The following MARCHF1 variants were observed in gnomAD, a reference collection of about 807,000 sequenced individuals.
MARCHF1 encodes E3 ubiquitin-protein ligase MARCHF1.
A neutral mutation model predicts 54.2 loss-of-function variants in MARCHF1; 40 were observed. The ratio of observed to expected loss-of-function variants is 0.74; its 90% CI spans 0.57 to 0.96. MARCHF1 has a LOEUF of 0.96. Among genes scored for constraint, MARCHF1 ranks in the 40% least tolerant of loss-of-function variants. The pLI, the probability that MARCHF1 is intolerant of heterozygous loss-of-function variation, is 0.00. For missense variants in MARCHF1, 586 were observed against 656.5 expected (o/e 0.89, Z 1.17); for synonymous variants, 236 against 236.3 (o/e 1.00, Z 0.01).
chr4:164,354,595 G>T (rs943476919), intron 1 of MARCHF1, among the ~76,000 whole-genome samples: 1 of 144,130 alleles, frequency 6.9e-6, no homozygotes, highest in South Asian at 2.2e-4. Flanking sequence ...AATAAATTAG[G>T]TATTGATGGG....
chr4:164,040,563 G>T (rs1014479198), intron 2 of MARCHF1, among the ~76,000 whole-genome samples: 1 of 150,976 alleles, frequency 6.6e-6, no homozygotes, highest in African/African-American at 2.4e-5. Flanking sequence ...TAAAAAATAG[G>T]CTTCAGAATG....
chr4:164,098,041 A>G (rs975497217), intron 2 of MARCHF1, among the ~76,000 whole-genome samples: 1 of 152,174 alleles, frequency 6.6e-6, no homozygotes, highest in African/African-American at 2.4e-5. Flanking sequence ...ACCATGGGAT[A>G]TCTTTATCAT....
At chr4:164,374,161 C>T (rs1731117294) in intron 1 of MARCHF1, among the ~76,000 whole-genome samples, 1 of 152,034 alleles carries the variant, frequency 6.6e-6, no homozygotes, top group African/African-American at 2.4e-5. Context: ...TCATTTTTTC[C>T]TCTACATATA....
At chr4:164,000,011 C>A (rs1235333532) in intron 2 of MARCHF1, among the ~76,000 whole-genome samples, 1 of 151,636 alleles carries the variant, frequency 6.6e-6, no homozygotes, top group Non-Finnish European at 1.5e-5. Flanking sequence ...AGGTGATAAT[C>A]AGATTGATCA....
At chr4:164,101,517 T>C (rs1463609308) in intron 2 of MARCHF1, among the ~76,000 whole-genome samples, 72 of 128,938 alleles carry the variant, frequency 5.6e-4, no homozygotes, top group African/African-American at 1.7e-3. Flanking sequence ...ACACCTAACA[T>C]GGCAGGGTAC....
chr4:164,368,035 A>C (rs979201021), intron 1 of MARCHF1, among the ~76,000 whole-genome samples: 3 of 111,040 alleles, frequency 2.7e-5, no homozygotes, highest in Non-Finnish European at 6.1e-5. Flanking sequence ...ATTCAACACA[A>C]AAAAAAGATT....
chr4:164,205,735 A>C (rs1183193273), intron 1 of MARCHF1, among the ~76,000 whole-genome samples: 1 of 152,162 alleles, frequency 6.6e-6, no homozygotes, highest in Non-Finnish European at 1.5e-5. Context: ...ATTTAAAAAA[A>C]AAAAATTTCT....
intron 2 of MARCHF1, among the ~76,000 whole-genome samples, chr4:164,022,182 C>G (rs1198346041): frequency 6.6e-6 from 1 of 152,152 alleles, no homozygotes; most frequent in African/African-American, 2.4e-5. Flanking sequence ...TACATTGTCC[C>G]AAGACCTCCT....
At chr4:164,021,595 A>C (rs1432638909) in intron 2 of MARCHF1, among the ~76,000 whole-genome samples, 1 of 5,732 alleles carries the variant, frequency 1.7e-4, no homozygotes, top group African/African-American at 1.9e-4. Flanking sequence ...TTTTCTCCTA[A>C]GTCCTTCTTA....
chr4:163,575,913 G>C (rs1740021185), intron 8 of MARCHF1, among the ~76,000 whole-genome samples: 1 of 151,904 alleles, frequency 6.6e-6, no homozygotes, highest in South Asian at 2.1e-4. Flanking sequence ...GTTTCTGATT[G>C]TGCTTATTTG....
At chr4:163,542,478 G>A (rs1179135386) in intron 9 of MARCHF1, among the ~76,000 whole-genome samples, 1 of 152,240 alleles carries the variant, frequency 6.6e-6, no homozygotes, top group Non-Finnish European at 1.5e-5. Context: ...TTCCCTAGCT[G>A]CATGATAGAA....
intron 1 of MARCHF1, among the ~76,000 whole-genome samples, chr4:164,134,440 T>C (rs1409495618): frequency 6.6e-6 from 1 of 152,222 alleles, no homozygotes. Context: ...TACATTACAT[T>C]TTCTCTGCTA....
chr4:163,823,982 T>C (rs1287339556), intron 4 of MARCHF1, among the ~76,000 whole-genome samples: 1 of 151,894 alleles, frequency 6.6e-6, no homozygotes, highest in Admixed American at 6.6e-5. Flanking sequence ...ATCCCCTATA[T>C]ATCATTCAAG....
At position 163,787,990 on chromosome 4, in the gene MARCHF1, T is replaced by C. The variant is rs1053193578; in HGVS notation, c.111+66031A>G. Among the ~76,000 whole-genome samples, 10 of 151,884 alleles carry C rather than the reference T, an allele frequency of 6.6e-5. No individual in the cohort carries two copies. In the East Asian group the frequency reaches 1.7e-3, roughly 26 times the overall value. The stretch of plus-strand genomic sequence containing the variant: ...TAAGCCAATCACAAAAGGACAAATA[T>C]TGTATACTTTGACGTATCTAAAGTA... On this transcript the variant is annotated intron_variant, in intron 4 of 9. Transcript: ENST00000514618.
Position 164,027,392 on chromosome 4 carries a change from A to AAAAAAAAAAAAAAAAAAAAAAAAAAAT in MARCHF1, c.-247-38684_-247-38683insATTTTTTTTTTTTTTTTTTTTTTTTTT, listed in dbSNP as rs1553971149. ...AAAAAAAAAAAAAAAAAAAAAAAAA[A>AAAAAAAAAAAAAAAAAAAAAAAAAAAT]AGATACATAGATAAATGGATCTATA... On this transcript the variant is annotated intron_variant, in intron 2 of 9. Transcript: ENST00000514618. Among the ~76,000 whole-genome samples the AAAAAAAAAAAAAAAAAAAAAAAAAAAT allele has an allele frequency of 9.5e-4, 56 of 59,006 alleles. 21 individuals are homozygous for AAAAAAAAAAAAAAAAAAAAAAAAAAAT. The highest frequency in any genetic ancestry group is 3.6e-3 in the South Asian group (5 of 1,388). The allele number at this position is 59,006 out of a possible 152,430, so 38.7% of individuals were successfully genotyped here.
At chr4:164,254,519 T>G (rs965724859) in intron 1 of MARCHF1, among the ~76,000 whole-genome samples, 2 of 151,636 alleles carry the variant, frequency 1.3e-5, no homozygotes, top group African/African-American at 4.8e-5. Context: ...TAGTTAATAC[T>G]TAATAAACTC....
chr4:163,751,894 G>A (rs1423266620), intron 4 of MARCHF1, among the ~76,000 whole-genome samples: 1 of 150,816 alleles, frequency 6.6e-6, no homozygotes, highest in Non-Finnish European at 1.5e-5. Context: ...AAGAGTCAAG[G>A]CCATCTTAAA....
intron 2 of MARCHF1, among the ~76,000 whole-genome samples, chr4:164,077,836 A>G (rs1755011790): frequency 1.3e-5 from 2 of 152,224 alleles, no homozygotes; most frequent in South Asian, 4.1e-4. Flanking sequence ...ATGAGATACC[A>G]TCTCACGCCA....
At chr4:163,631,794 C>A (rs1053092983) in intron 5 of MARCHF1, among the ~76,000 whole-genome samples, 2 of 152,066 alleles carry the variant, frequency 1.3e-5, no homozygotes, top group Admixed American at 6.5e-5. Flanking sequence ...GCATGGGCAG[C>A]AAAGGTAAAG....
Sources: allele counts gnomAD v4.1 joint callset (sites outside exome capture counted in the v4.1 genomes callset), GRCh38; gene constraint gnomAD v4.1.1; transcripts MANE v1.5; gene names NCBI Gene and HGNC (gene_info 2026-07-23, HGNC 2026-07-21).